Variants in OSMR observed in about 807,000 individuals in gnomAD.
OSMR encodes oncostatin M receptor.
A neutral mutation model predicts 99.9 loss-of-function variants in OSMR; 81 were observed. The observed-to-expected ratio is 0.81, with a 90% confidence interval of 0.68 to 0.97. OSMR has a LOEUF of 0.97. Ranked by LOEUF, OSMR falls within the 50% of genes least tolerant of loss-of-function variation. The probability of loss-of-function intolerance (pLI) is 0.00; values close to 1 mark genes in which losing one functional copy is unlikely to be tolerated. For missense variants in OSMR, 1,099 were observed against 1,153.4 expected (o/e 0.95, Z 0.68); for synonymous variants, 406 against 410.4 (o/e 0.99, Z 0.13).
At chr5:38,855,056 G>A (rs1006294489) in intron 1 of OSMR, among the ~76,000 whole-genome samples, 1 of 152,156 alleles carries the variant, frequency 6.6e-6, no homozygotes, top group Non-Finnish European at 1.5e-5. Flanking sequence ...GGTTGTCCCG[G>A]CCAGAGCAGC....
In OSMR at chr5:38,883,867, T is replaced by C. The variant is rs565331842; in HGVS notation, c.459T>C (p.Pro153=). The C allele has an allele frequency of 6.2e-7, 1 of 1,613,584 alleles. No individual in the cohort carries two copies. The highest frequency in any genetic ancestry group is 1.3e-5 in the African/African-American group (1 of 74,936). Residue 153 remains proline (P), a synonymous_variant, in exon 5 of 18, where the codon CCT becomes CCC. Coordinates refer to ENST00000274276, the MANE Select transcript of OSMR (RefSeq NM_003999.3). The stretch of plus-strand genomic sequence containing the variant: ...GACAGGATATATTGTTCGTTTTCCC[T>C]AAAGATAAGCTGGTGGAAGAAGGCA... ...STGQDILFVF[P]KDKLVEEGTN...
At position 38,923,848 on chromosome 5, in the gene OSMR, G is replaced by C. The variant is rs528027709; in HGVS notation, c.1871-574G>C. On this transcript the variant is annotated intron_variant, in intron 13 of 17. Coordinates refer to ENST00000274276, the MANE Select transcript of OSMR (RefSeq NM_003999.3). Reference sequence around the variant, plus strand: ...GAGCAGGCAGGAGGTGTGTGACCTTGTGTGCACGGTCCAAGTGTGCATAAG... The same window carrying C: ...GAGCAGGCAGGAGGTGTGTGACCTTCTGTGCACGGTCCAAGTGTGCATAAG... Among the ~76,000 whole-genome samples, 624 of 152,304 alleles carry C rather than the reference G, an allele frequency of 4.1e-3. 3 individuals are homozygous for C. Among genetic ancestry groups the C allele is most frequent in the African/African-American group, 0.014 (602 of 41,558 alleles).
At chr5:38,869,151 CA>C (rs1360313863) in intron 2 of OSMR, 34 bp downstream of exon 2, 1 of 1,452,410 alleles carries the variant, frequency 6.9e-7, no homozygotes, top group Non-Finnish European at 9.7e-7. Flanking sequence ...AGACAAAAAT[CA>C]CGTCGGGAAC....
exon 2 of OSMR, chr5:38,944,212 AG>A: frequency 1.7e-6 from 1 of 597,304 alleles, no homozygotes; most frequent in Non-Finnish European, 3.1e-6. Flanking sequence ...TCTCTTCAAA[AG>A]TCTGGCTTAA....
intron 7 of OSMR, among the ~76,000 whole-genome samples, chr5:38,898,261 T>C (rs948397045): frequency 1.3e-5 from 2 of 152,210 alleles, no homozygotes; most frequent in Non-Finnish European, 2.9e-5. Flanking sequence ...AATATTTCTC[T>C]GTATATCTGG....
At chr5:38,863,321 A>G (rs558596637) in intron 1 of OSMR, among the ~76,000 whole-genome samples, 1 of 151,706 alleles carries the variant, frequency 6.6e-6, no homozygotes, top group African/African-American at 2.4e-5. Flanking sequence ...CGGGCAGTTC[A>G]TGAGGTCAAG....
At chr5:38,899,175 G>A (rs1339937637) in intron 7 of OSMR, among the ~76,000 whole-genome samples, 1 of 152,020 alleles carries the variant, frequency 6.6e-6, no homozygotes, top group Non-Finnish European at 1.5e-5. Flanking sequence ...GGCCAGGCTG[G>A]TCTCAAATTC....
rs1382142430 is a variant in OSMR, at chr5:38,933,494, G to C, written c.*50G>C. The stretch of plus-strand genomic sequence containing the variant: ...TGCTACACAGACATTAAGAAGAGCA[G>C]AGCTGGCACCCTGTCATCACCAGTG... On this transcript the variant is annotated 3_prime_UTR_variant, in exon 18 of 18. Coordinates refer to ENST00000274276, the MANE Select transcript of OSMR (RefSeq NM_003999.3). The C allele has an allele frequency of 6.2e-7, 1 of 1,607,204 alleles. No homozygotes were observed.
At chr5:38,944,517 T>C in intron 2 of OSMR, 1 of 1,612,574 alleles carries the variant, frequency 6.2e-7, no homozygotes. Context: ...TTAGAACTTC[T>C]TTGCGAAGGA....
At chr5:38,888,625 G>T (rs1008447928) in intron 7 of OSMR, among the ~76,000 whole-genome samples, 1 of 151,994 alleles carries the variant, frequency 6.6e-6, no homozygotes, top group African/African-American at 2.4e-5. Flanking sequence ...TCTCCATTTT[G>T]AAATTTTTAA....
chr5:38,886,146 TAAGG>T lies in OSMR; in HGVS notation c.951_954del (p.Lys318GlufsTer9), dbSNP rs1369845966. ...TTCACACTCATAGCTGAAAATTACTTAAGGAAGAGAAGTGTCAATATCCTTTTTA... is the reference window on the plus strand; with the variant it reads ...TTCACACTCATAGCTGAAAATTACTTAAGAGAAGTGTCAATATCCTTTTTA... On this transcript the variant is annotated frameshift_variant, in exon 7 of 18. Transcript: ENST00000274276. LOFTEE classifies it high-confidence loss of function. 1 of 1,614,036 alleles carries T rather than the reference TAAGG, an allele frequency of 6.2e-7. No individual in the cohort carries two copies. The highest frequency in any genetic ancestry group is 1.1e-5 in the South Asian group (1 of 91,076).
In OSMR at chr5:38,860,142, A is replaced by G. The variant is rs138630807; in HGVS notation, c.-13-8890A>G. ...TTGTAAAATTGGGCATCCTTTTCTCATTCCAATTCTGAGAGAATAAATTTT... is the reference window on the plus strand; with the variant it reads ...TTGTAAAATTGGGCATCCTTTTCTCGTTCCAATTCTGAGAGAATAAATTTT... On this transcript the variant is annotated intron_variant, in intron 1 of 17. Transcript: ENST00000274276. 3.7e-3 allele frequency among the ~76,000 whole-genome samples: 569 copies of G among 152,248 alleles called. 2 individuals are homozygous for G. Among genetic ancestry groups the G allele is most frequent in the African/African-American group, 0.013 (551 of 41,552 alleles).
chr5:38,919,567 T>A, intron 11 of OSMR: 1 of 317,256 alleles, frequency 3.2e-6, no homozygotes, highest in Non-Finnish European at 6.1e-6. Flanking sequence ...ATCTCTTGCC[T>A]ATGAAAGAGC....
chr5:38,876,877 T>A (rs557309272), intron 3 of OSMR, among the ~76,000 whole-genome samples: 1 of 152,346 alleles, frequency 6.6e-6, no homozygotes, highest in South Asian at 2.1e-4. Context: ...GAGAGTAACT[T>A]CCTGTGTCCT....
At chr5:38,884,260 T>C (rs1743532987) in intron 5 of OSMR, 149 bp downstream of exon 5, 1 of 743,420 alleles carries the variant, frequency 1.3e-6, no homozygotes, top group Non-Finnish European at 2.4e-6. Context: ...CTGAAGTCGA[T>C]GTCCTTTAGT....
At chr5:38,877,802 T>C (rs1293441339) in intron 3 of OSMR, among the ~76,000 whole-genome samples, 1 of 152,216 alleles carries the variant, frequency 6.6e-6, no homozygotes, top group Non-Finnish European at 1.5e-5. Context: ...TATTATTATG[T>C]TACAAAAAAT....
intron 1 of OSMR, among the ~76,000 whole-genome samples, chr5:38,851,413 A>C (rs1740346615): frequency 6.6e-6 from 1 of 152,238 alleles, no homozygotes; most frequent in Non-Finnish European, 1.5e-5. Context: ...TACTGGGGGA[A>C]GGACTTGTAA....
chr5:38,916,988 T>TAA, intron 9 of OSMR, among the ~76,000 whole-genome samples: 1 of 151,900 alleles, frequency 6.6e-6, no homozygotes, highest in East Asian at 1.9e-4. Context: ...GCAGGTGCCT[T>TAA]AAGTGTCCAC....
At chr5:38,924,282 A>G in intron 13 of OSMR, 140 bp from the exon 14 acceptor site, 1 of 1,517,550 alleles carries the variant, frequency 6.6e-7, no homozygotes, top group South Asian at 1.3e-5. Flanking sequence ...AATCCTCTAG[A>G]GAAACAGATA....
Sources: allele counts gnomAD v4.1 joint callset (sites outside exome capture counted in the v4.1 genomes callset), GRCh38; gene constraint gnomAD v4.1.1; transcripts MANE v1.5; gene names NCBI Gene and HGNC (gene_info 2026-07-23, HGNC 2026-07-21).